ZNF320: variants seen among roughly 807,000 people sequenced by gnomAD.
ZNF320 encodes zinc finger gene 320.
In ZNF320, 2 loss-of-function variants were observed where a neutral mutation model predicts 6.8. That is an observed-to-expected ratio of 0.29 (90% CI 0.12 to 0.93). The LOEUF (loss-of-function observed/expected upper bound fraction) is 0.93. Ranked by LOEUF, ZNF320 falls within the 40% of genes least tolerant of loss-of-function variation. ZNF320 has a pLI of 0.55. For missense variants in ZNF320, 472 were observed against 611.0 expected, an observed-to-expected ratio of 0.77 and a Z score of 2.40; for synonymous variants, 208 against 203.2, an observed-to-expected ratio of 1.02 and a Z score of -0.20.
intron 5 of ZNF320, among the ~76,000 whole-genome samples, chr19:52,887,605 T>C (rs2064135549): frequency 6.6e-6 from 1 of 152,190 alleles, no homozygotes; most frequent in Non-Finnish European, 1.5e-5. Context: ...TTTTTGTTTT[T>C]TGAGACAGTC....
chr19:52,869,829 C>A (rs1161265517), intron 5 of ZNF320, among the ~76,000 whole-genome samples: 1 of 152,158 alleles, frequency 6.6e-6, no homozygotes, highest in African/African-American at 2.4e-5. Context: ...CATTCTCCTG[C>A]CTCAGCCTCC....
chr19:52,878,303 G>GCAGTA lies in ZNF320; in HGVS notation c.*2288_*2292dup, dbSNP rs2063819347. The GCAGTA allele has an allele frequency of 7.1e-6, 1 of 141,110 alleles. No homozygotes were observed. Among genetic ancestry groups the GCAGTA allele is most frequent in the Non-Finnish European group, 1.5e-5 (1 of 67,164 alleles). 8.7% of individuals were successfully genotyped at this position (141,110 alleles called of 1,614,324 possible). A position where few individuals can be genotyped will look rare whatever the true frequency, so the allele number is the denominator to read the frequency against. On this transcript the variant is annotated 3_prime_UTR_variant, in exon 6 of 6. Coordinates refer to ENST00000682928, the MANE Select transcript of ZNF320 (RefSeq NM_001351774.2). ...CTCGCTCTGTCACCCAGGCTGGAGTGCAGTAGCATGATCTCTGCTCATGGC... is the reference window on the plus strand; with the variant it reads ...CTCGCTCTGTCACCCAGGCTGGAGTGCAGTACAGTAGCATGATCTCTGCTCATGGC...
At chr19:52,894,015 G>C (rs139858651) in intron 1 of ZNF320, 159 bp from the exon 2 acceptor site, 1 of 152,072 alleles carries the variant, frequency 6.6e-6, no homozygotes. Flanking sequence ...AGAAACTCTC[G>C]GGATAAAAAT....
downstream of ZNF320, among the ~76,000 whole-genome samples, chr19:52,873,328 A>G (rs376676967): frequency 2.7e-4 from 41 of 152,340 alleles, no homozygotes; most frequent in South Asian, 2.9e-3. Flanking sequence ...AGCTTTCTGC[A>G]GTGCATTTGT....
At chr19:52,887,140 C>T (rs2064117407) in intron 5 of ZNF320, among the ~76,000 whole-genome samples, 1 of 152,156 alleles carries the variant, frequency 6.6e-6, no homozygotes, top group African/African-American at 2.4e-5. Context: ...AATTCTCCCA[C>T]TTGCAGAGAG....
chr19:52,900,294 G>C (rs2064567279), upstream of ZNF320, among the ~76,000 whole-genome samples: 1 of 152,180 alleles, frequency 6.6e-6, no homozygotes, highest in Admixed American at 6.5e-5. Context: ...TTTTGCCTAA[G>C]ACAACTAAGC....
chr19:52,892,708 T>A (rs566302677), intron 2 of ZNF320, among the ~76,000 whole-genome samples: 58 of 148,120 alleles, frequency 3.9e-4, no homozygotes, highest in South Asian at 3.6e-3. Context: ...CTCCCATCTC[T>A]GTGCATCCTC....
chr19:52,897,347 C>T (rs1334590456), intron 1 of ZNF320, among the ~76,000 whole-genome samples, 173 bp downstream of exon 1: 3 of 152,166 alleles, frequency 2.0e-5, no homozygotes, highest in African/African-American at 7.2e-5. Flanking sequence ...GGGCTGGAAT[C>T]CAGCTCGCGG....
chr19:52,893,538 T>G (rs531496049), intron 2 of ZNF320: 14 of 152,180 alleles, frequency 9.2e-5, no homozygotes, highest in African/African-American at 3.4e-4. Flanking sequence ...TCCCAGCTAC[T>G]TGGGAGACTG....
At chr19:52,875,430 A>G (rs975690409), downstream of ZNF320, among the ~76,000 whole-genome samples, 8 of 152,186 alleles carry the variant, frequency 5.3e-5, no homozygotes, top group Non-Finnish European at 1.5e-5. Context: ...GGACAGAGAC[A>G]AGAATAGGTT....
At chr19:52,890,648 G>T (rs2064258530) in intron 3 of ZNF320, among the ~76,000 whole-genome samples, 1 of 152,156 alleles carries the variant, frequency 6.6e-6, no homozygotes, top group Non-Finnish European at 1.5e-5. Context: ...GAGGTGGGTA[G>T]ATCGCTTGAG....
chr19:52,888,713 C>T (rs1284892805), intron 4 of ZNF320, among the ~76,000 whole-genome samples: 1 of 152,036 alleles, frequency 6.6e-6, no homozygotes, highest in Admixed American at 6.6e-5. Context: ...ATAAAACCTA[C>T]ACAGACTGAA....
chr19:52,862,765 C>T, exon 6 of ZNF320: 1 of 379,262 alleles, frequency 2.6e-6, no homozygotes, highest in Non-Finnish European at 5.4e-6. Context: ...ATGGCTTCTC[C>T]AGTGTGAATT....
chr19:52,867,729 A>G (rs1344884029), intron 5 of ZNF320, among the ~76,000 whole-genome samples: 2 of 151,908 alleles, frequency 1.3e-5, no homozygotes, highest in Non-Finnish European at 2.9e-5. Flanking sequence ...CTCCTGTATC[A>G]GCCTCCCGTG....
At chr19:52,888,677 T>C (rs1354860663) in intron 4 of ZNF320, among the ~76,000 whole-genome samples, 1 of 151,322 alleles carries the variant, frequency 6.6e-6, no homozygotes, top group Admixed American at 6.6e-5. Flanking sequence ...AGCACAAAAA[T>C]CCATTTTGTA....
At chr19:52,895,936 T>A (rs2064456740) in intron 1 of ZNF320, among the ~76,000 whole-genome samples, 1 of 151,778 alleles carries the variant, frequency 6.6e-6, no homozygotes, top group Non-Finnish European at 1.5e-5. Context: ...ACAACAAATT[T>A]CATAGAGAAA....
chr19:52,866,318 T>C (rs184496236), intron 5 of ZNF320, among the ~76,000 whole-genome samples: 1 of 151,318 alleles, frequency 6.6e-6, no homozygotes, highest in African/African-American at 2.4e-5. Flanking sequence ...CCCAGCAATC[T>C]GGGAGGCCGA....
At position 52,890,260 on chromosome 19, in the gene ZNF320, G is replaced by C. The variant is rs551672911; in HGVS notation, c.-5C>G. The C allele has an allele frequency of 1.2e-6, 2 of 1,606,630 alleles. No homozygotes were observed. The highest frequency in any genetic ancestry group is 4.5e-5 in the East Asian group (2 of 44,824). ...TCTCACCTGAGAAAGAGCCATCCCC[G>C]ACTCCTTTGCTTTCCTCTTCCTCTT... On this transcript the variant is annotated 5_prime_UTR_variant, in exon 4 of 6. Transcript: ENST00000682928.
intron 5 of ZNF320, among the ~76,000 whole-genome samples, chr19:52,867,868 G>A (rs545547482): frequency 5.3e-5 from 8 of 151,780 alleles, no homozygotes; most frequent in African/African-American, 1.9e-4. Flanking sequence ...CGTCTCGGCC[G>A]CCCAAAGTAC....
Sources: gnomAD v4.1 joint callset for allele counts (sites outside exome capture counted in the v4.1 genomes callset) on GRCh38, gnomAD v4.1.1 for gene constraint, MANE v1.5 for transcripts, NCBI Gene and HGNC (gene_info 2026-07-23, HGNC 2026-07-21) for gene names.